Variants in RRAGD observed in about 807,000 individuals in gnomAD.
RRAGD encodes the protein ras-related GTP-binding protein D.
Under a neutral mutation model 35.5 loss-of-function variants are expected in RRAGD, and 12 were observed. The observed-to-expected ratio is 0.34, with a 90% CI of 0.22 to 0.55. The LOEUF is 0.55. Ranked by LOEUF, RRAGD falls within the 20% of genes least tolerant of loss-of-function variation. The probability of loss-of-function intolerance (pLI) is 0.91; values close to 1 mark genes in which losing one functional copy is unlikely to be tolerated. For synonymous variants in RRAGD, 155 were observed against 178.9 expected, an observed-to-expected ratio of 0.87 and a Z score of 1.07; for missense variants, 324 against 490.1, an observed-to-expected ratio of 0.66 and a Z score of 3.20.
intron 1 of RRAGD, among the ~76,000 whole-genome samples, chr6:89,408,348 A>G (rs1331952106): frequency 6.6e-6 from 1 of 152,138 alleles, no homozygotes; most frequent in East Asian, 1.9e-4. Flanking sequence ...ATTCCCTAAT[A>G]TTTTTAAAAT....
intron 1 of RRAGD, among the ~76,000 whole-genome samples, chr6:89,410,822 T>C (rs756313973): frequency 1.5e-4 from 23 of 152,206 alleles, no homozygotes; most frequent in Non-Finnish European, 2.4e-4. Flanking sequence ...TAAAAATCAA[T>C]AGTCACAAAG....
rs748722305 is a variant in RRAGD at position 89,411,834 on chromosome 6, C to T, written c.148+12G>A. The T allele has an allele frequency of 2.0e-5, 31 of 1,546,502 alleles. No individual in the cohort carries two copies. In the South Asian group the frequency reaches 3.4e-4, roughly 17 times the overall value. On this transcript the variant is annotated intron_variant, in intron 1 of 6. Coordinates refer to ENST00000369415, the MANE Select transcript of RRAGD (RefSeq NM_021244.5). The surrounding 1 kb of genome is among the most constrained non-coding windows in gnomAD (Gnocchi z 5.6). ...GGGGCGCGAGCCGAGGACGCGGGGG[C>T]CGGGCGCTCACCTCCCTCCTCTGTG...
At chr6:89,372,677 A>T (rs1768874263) in intron 5 of RRAGD, 92 bp from the exon 6 acceptor site, 3 of 1,315,748 alleles carry the variant, frequency 2.3e-6, no homozygotes. Context: ...AGCCACAAAA[A>T]GTGATAATCA....
At chr6:89,400,998 C>T (rs894521684) in intron 1 of RRAGD, among the ~76,000 whole-genome samples, 3 of 152,104 alleles carry the variant, frequency 2.0e-5, no homozygotes, top group Non-Finnish European at 2.9e-5. Context: ...CAAAGAAAAA[C>T]GATTCATCCC....
In RRAGD at chr6:89,372,337, G is replaced by A. The variant is rs953003864; in HGVS notation, c.1051+100C>T. The A allele has an allele frequency of 4.3e-5, 55 of 1,293,214 alleles. 1 individual carries two copies. The highest frequency in any genetic ancestry group is 8.2e-5 in the East Asian group (3 of 36,692). 80.1% of individuals were successfully genotyped at this position (1,293,214 alleles called of 1,614,324 possible). On this transcript the variant is annotated intron_variant, in intron 6 of 6. Transcript: ENST00000369415. Reference sequence around the variant, plus strand: ...CCTGTGACTGGCATCTGGAAGTTTCGAGGGCTATGCTGTTGTCCACCCACA... The same window carrying A: ...CCTGTGACTGGCATCTGGAAGTTTCAAGGGCTATGCTGTTGTCCACCCACA...
At chr6:89,368,927 C>CT (rs987543205) in intron 6 of RRAGD, among the ~76,000 whole-genome samples, 4 of 152,138 alleles carry the variant, frequency 2.6e-5, no homozygotes, top group Admixed American at 6.5e-5. Context: ...TGTAAAAGTC[C>CT]TGAGAGCAAC....
intron 1 of RRAGD, among the ~76,000 whole-genome samples, chr6:89,398,157 G>GA (rs201403722): frequency 0.012 from 1,883 of 151,456 alleles, 25 homozygotes; most frequent in Non-Finnish European, 0.018. Context: ...AAAAAAAAAA[G>GA]AAAAAAAGAA....
intron 1 of RRAGD, among the ~76,000 whole-genome samples, chr6:89,390,189 A>C (rs1024713350): frequency 6.6e-6 from 1 of 152,228 alleles, no homozygotes; most frequent in African/African-American, 2.4e-5. Context: ...AGAAAAAAAA[A>C]CAGATAAACT....
chr6:89,366,681 T>C lies in RRAGD; in HGVS notation c.*1375A>G, dbSNP rs1768755070. The C allele has an allele frequency of 6.6e-6, 1 of 152,192 alleles. No individual in the cohort carries two copies. The highest frequency in any genetic ancestry group is 2.1e-4 in the South Asian group (1 of 4,826). 9.4% of individuals were successfully genotyped at this position (152,192 alleles called of 1,614,324 possible). Reference sequence around the variant, plus strand: ...CAAGCATGCCTTAGGGTGCTAACCCTTGAGATGCACGTAAAATTATCTACT... The same window carrying C: ...CAAGCATGCCTTAGGGTGCTAACCCCTGAGATGCACGTAAAATTATCTACT... On this transcript the variant is annotated 3_prime_UTR_variant, in exon 7 of 7. Coordinates refer to ENST00000369415, the MANE Select transcript of RRAGD (RefSeq NM_021244.5).
At position 89,412,124 on chromosome 6, in the gene RRAGD, G is replaced by C; in HGVS notation, c.-131C>G. The C allele has an allele frequency of 1.1e-6, 1 of 891,948 alleles. No homozygotes were observed. Among genetic ancestry groups the C allele is most frequent in the Non-Finnish European group, 1.5e-6 (1 of 672,256 alleles). 55.3% of individuals were successfully genotyped at this position (891,948 alleles called of 1,614,324 possible). ...GAGCTCAGCGGGGCCCGGCGGAAGC[G>C]GGGGCCGCGCGTCCCCCGGCGGGCG... On this transcript the variant is annotated 5_prime_UTR_variant, in exon 1 of 7. Transcript: ENST00000369415. The surrounding 1 kb of genome is among the most constrained non-coding windows in gnomAD (Gnocchi z 4.2).
rs1323008247 is a variant in RRAGD, at chr6:89,411,780, G to C, written c.148+66C>G. The C allele has an allele frequency of 2.0e-6, 3 of 1,483,906 alleles. No homozygotes were observed. Among genetic ancestry groups the C allele is most frequent in the Non-Finnish European group, 2.7e-6 (3 of 1,112,680 alleles). The allele number at this position is 1,483,906 out of a possible 1,614,324, so 91.9% of individuals were successfully genotyped here. On this transcript the variant is annotated intron_variant, in intron 1 of 6. Coordinates refer to ENST00000369415, the MANE Select transcript of RRAGD (RefSeq NM_021244.5). The surrounding 1 kb of genome is among the most constrained non-coding windows in gnomAD (Gnocchi z 5.6). ...TCGGTGGCTCGCGCACGGCCGGGCT[G>C]GGGGCGGGAAGGCGCCAAGGGGAGG...
chr6:89,374,559 C>T (rs992325116), intron 5 of RRAGD, among the ~76,000 whole-genome samples: 1 of 151,976 alleles, frequency 6.6e-6, no homozygotes, highest in African/African-American at 2.4e-5. Context: ...GGAGAAACTC[C>T]GTCTCTACTA....
In RRAGD at chr6:89,367,335, G is replaced by T. The variant is rs1204378323; in HGVS notation, c.*721C>A. The T allele has an allele frequency of 6.6e-6, 1 of 152,140 alleles. No homozygotes were observed. The highest frequency in any genetic ancestry group is 1.5e-5 in the Non-Finnish European group (1 of 68,016). 9.4% of individuals were successfully genotyped at this position (152,140 alleles called of 1,614,324 possible). On this transcript the variant is annotated 3_prime_UTR_variant, in exon 7 of 7. Coordinates refer to ENST00000369415, the MANE Select transcript of RRAGD (RefSeq NM_021244.5). ...CAAAAGAATACTAATGCAACAAAAAGAAATAACCTCTCTGTATAAAGTGAT... is the reference window on the plus strand; with the variant it reads ...CAAAAGAATACTAATGCAACAAAAATAAATAACCTCTCTGTATAAAGTGAT...
At chr6:89,369,089 A>C (rs1435838949) in intron 6 of RRAGD, among the ~76,000 whole-genome samples, 1 of 151,924 alleles carries the variant, frequency 6.6e-6, no homozygotes, top group African/African-American at 2.4e-5. Flanking sequence ...CCAAGGATTA[A>C]ATTCTTCAAA....
chr6:89,410,993 GAGGGAAACTAA>G (rs1769681488), intron 1 of RRAGD, among the ~76,000 whole-genome samples: 1 of 152,098 alleles, frequency 6.6e-6, no homozygotes, highest in African/African-American at 2.4e-5. Context: ...GCTCGCTTCT[GAGGGAAACTAA>G]AAAAAGTTTA....
rs568896958 is a variant in RRAGD at position 89,384,687 on chromosome 6, C to T, written c.444+2608G>A. Among the ~76,000 whole-genome samples, 260 of 151,864 alleles carry T rather than the reference C, an allele frequency of 1.7e-3. 1 individual carries two copies. The highest frequency in any genetic ancestry group is 5.8e-3 in the African/African-American group (242 of 41,430). On this transcript the variant is annotated intron_variant, in intron 2 of 6. Transcript: ENST00000369415. ...AAAATTAGCCGGGTGTGGTGGCGGGCGCCTGCAGTCCCAGCTACTCGGGAG... is the reference window on the plus strand; with the variant it reads ...AAAATTAGCCGGGTGTGGTGGCGGGTGCCTGCAGTCCCAGCTACTCGGGAG...
Position 89,366,555 on chromosome 6 carries a change from T to C in RRAGD, c.*1501A>G, listed in dbSNP as rs1383859271. The C allele has an allele frequency of 6.8e-6, 1 of 148,110 alleles. No individual in the cohort carries two copies. 9.2% of individuals were successfully genotyped at this position (148,110 alleles called of 1,614,324 possible). The stretch of plus-strand genomic sequence containing the variant: ...AAAAAAAAAAAAAAAGTTTCAAGTA[T>C]AAGTTGCTTTAGGGACTTTATATAT... On this transcript the variant is annotated 3_prime_UTR_variant, in exon 7 of 7. Coordinates refer to ENST00000369415, the MANE Select transcript of RRAGD (RefSeq NM_021244.5).
intron 2 of RRAGD, among the ~76,000 whole-genome samples, chr6:89,386,931 T>C (rs1412594407): frequency 6.6e-6 from 1 of 152,336 alleles, no homozygotes; most frequent in East Asian, 1.9e-4. Context: ...TCATAGGAAA[T>C]AATAAACAGT....
At chr6:89,389,063 C>T (rs1271152616) in intron 1 of RRAGD, among the ~76,000 whole-genome samples, 3 of 152,304 alleles carry the variant, frequency 2.0e-5, no homozygotes, top group East Asian at 3.9e-4. Context: ...TGCTCACCTT[C>T]TGCCATGCAG....
Sources: allele counts gnomAD v4.1 joint callset (sites outside exome capture counted in the v4.1 genomes callset), GRCh38; gene constraint gnomAD v4.1.1; non-coding constraint Gnocchi (gnomAD v3.1); transcripts MANE v1.5; gene names NCBI Gene and HGNC (gene_info 2026-07-23, HGNC 2026-07-21).